Variants in PTPRT observed in about 807,000 individuals in gnomAD.
PTPRT encodes receptor-type tyrosine-protein phosphatase T.
In PTPRT, 56 loss-of-function variants were observed where a neutral mutation model predicts 176.8. The ratio of observed to expected loss-of-function variants is 0.32; its 90% CI spans 0.26 to 0.40. The LOEUF is 0.40. Among genes scored for constraint, PTPRT ranks in the 10% least tolerant of loss-of-function variants. PTPRT has a pLI of 1.00. For synonymous variants in PTPRT, 783 were observed against 739.0 expected, an observed-to-expected ratio of 1.06 and a Z score of -0.96; for missense variants, 1,540 against 1,908.2, an observed-to-expected ratio of 0.81 and a Z score of 3.60.
At chr20:42,274,566 T>TGTGTGTGC (rs2056994925) in intron 13 of PTPRT, among the ~76,000 whole-genome samples, 1 of 147,104 alleles carries the variant, frequency 6.8e-6, no homozygotes, top group East Asian at 2.0e-4. Flanking sequence ...TGTGTGTGTG[T>TGTGTGTGC]GTGTGTGTGT....
chr20:43,055,101 T>C (rs1189951932), intron 1 of PTPRT, among the ~76,000 whole-genome samples: 2 of 152,210 alleles, frequency 1.3e-5, no homozygotes, highest in African/African-American at 4.8e-5. Context: ...TTTATTAATA[T>C]ACTTTTCAGC....
At chr20:42,179,277 G>A (rs1287082935) in intron 16 of PTPRT, among the ~76,000 whole-genome samples, 1 of 152,152 alleles carries the variant, frequency 6.6e-6, no homozygotes, top group Non-Finnish European at 1.5e-5. Context: ...AGTATTCCAA[G>A]GCATTCACTT....
chr20:42,346,958 T>C (rs1275179863), intron 11 of PTPRT, among the ~76,000 whole-genome samples: 1 of 152,072 alleles, frequency 6.6e-6, no homozygotes, highest in Non-Finnish European at 1.5e-5. Flanking sequence ...GGAGGTTTAC[T>C]CCGTAGCACC....
chr20:42,128,658 T>C, intron 19 of PTPRT, 96 bp downstream of exon 19: 1 of 1,153,502 alleles, frequency 8.7e-7, no homozygotes, highest in South Asian at 1.8e-5. Context: ...CAGACTGCTC[T>C]GGAAGGGCCA....
At chr20:42,351,706 ATTCAT>A (rs2058287143) in intron 10 of PTPRT, among the ~76,000 whole-genome samples, 1 of 152,120 alleles carries the variant, frequency 6.6e-6, no homozygotes, top group Non-Finnish European at 1.5e-5. Context: ...TCATTCATTC[ATTCAT>A]TCATTCATCA....
chr20:43,072,804 C>T (rs752161905), intron 1 of PTPRT, among the ~76,000 whole-genome samples: 1 of 152,182 alleles, frequency 6.6e-6, no homozygotes. Flanking sequence ...TTTCCTCAGT[C>T]AATTAAACAA....
intron 16 of PTPRT, among the ~76,000 whole-genome samples, chr20:42,196,365 T>A (rs1991218615): frequency 6.6e-6 from 1 of 152,174 alleles, no homozygotes; most frequent in Non-Finnish European, 1.5e-5. Flanking sequence ...TGACACTAAT[T>A]ATATACATAT....
intron 1 of PTPRT, among the ~76,000 whole-genome samples, chr20:42,917,529 T>C (rs938789885): frequency 2.0e-5 from 3 of 152,222 alleles, no homozygotes; most frequent in South Asian, 2.1e-4. Context: ...GGGGATGGCA[T>C]TGAATCTATA....
At chr20:42,906,144 C>T (rs985270448) in intron 1 of PTPRT, among the ~76,000 whole-genome samples, 2 of 152,140 alleles carry the variant, frequency 1.3e-5, no homozygotes, top group African/African-American at 4.8e-5. Flanking sequence ...CAGAGGAACA[C>T]ATCAGCAGAA....
intron 12 of PTPRT, among the ~76,000 whole-genome samples, chr20:42,292,265 C>A (rs1332844493): frequency 1.3e-5 from 2 of 152,060 alleles, no homozygotes; most frequent in Admixed American, 1.3e-4. Context: ...ATGGGACTCA[C>A]TCACTTAACA....
intron 7 of PTPRT, among the ~76,000 whole-genome samples, chr20:42,648,810 T>C (rs556169304): frequency 2.9e-5 from 4 of 137,988 alleles, no homozygotes; most frequent in African/African-American, 1.1e-4. Flanking sequence ...TTTTTTTTTT[T>C]GGTGTCGTTG....
chr20:42,626,303 A>G lies in PTPRT; in HGVS notation c.1153+51563T>C, dbSNP rs139565795. 2.7e-3 allele frequency among the ~76,000 whole-genome samples: 404 copies of G among 152,188 alleles called. 4 individuals carry two copies. The highest frequency in any genetic ancestry group is 2.6e-3 in the Non-Finnish European group (176 of 68,004). ...TTTCAGATGATTCTCCTTACCTTCAAGCTTAGGTAAGAAGTCTCTGCTCTC... is the reference window on the plus strand; with the variant it reads ...TTTCAGATGATTCTCCTTACCTTCAGGCTTAGGTAAGAAGTCTCTGCTCTC... On this transcript the variant is annotated intron_variant, in intron 7 of 30. Transcript: ENST00000373187.
chr20:42,758,941 G>C (rs775039481), intron 5 of PTPRT, among the ~76,000 whole-genome samples: 1 of 152,256 alleles, frequency 6.6e-6, no homozygotes, highest in Non-Finnish European at 1.5e-5. Context: ...CTTTGCAGGA[G>C]ATGGCACAAC....
At chr20:43,145,745 C>T (rs995348519) in intron 1 of PTPRT, among the ~76,000 whole-genome samples, 1 of 152,230 alleles carries the variant, frequency 6.6e-6, no homozygotes, top group Non-Finnish European at 1.5e-5. Flanking sequence ...TCTCCAAAGC[C>T]AGCAAGAATC....
chr20:42,328,319 C>A (rs975278908), intron 11 of PTPRT, among the ~76,000 whole-genome samples: 5 of 152,100 alleles, frequency 3.3e-5, no homozygotes, highest in Admixed American at 1.3e-4. Context: ...AGCCAGATGG[C>A]TTTTCCAATG....
intron 19 of PTPRT, among the ~76,000 whole-genome samples, chr20:42,123,798 T>C (rs1395516094): frequency 1.3e-5 from 2 of 152,232 alleles, no homozygotes; most frequent in African/African-American, 2.4e-5. Flanking sequence ...CAATCACGTC[T>C]GTGGAGAGTT....
intron 6 of PTPRT, among the ~76,000 whole-genome samples, chr20:42,683,680 A>G (rs1310193094): frequency 6.6e-6 from 1 of 152,200 alleles, no homozygotes; most frequent in Non-Finnish European, 1.5e-5. Flanking sequence ...TAGATGTTCA[A>G]TGCTGATTAA....
intron 1 of PTPRT, among the ~76,000 whole-genome samples, chr20:43,160,274 C>A (rs2014655474): frequency 6.6e-6 from 1 of 152,156 alleles, no homozygotes; most frequent in Non-Finnish European, 1.5e-5. Context: ...CGGAATAAAT[C>A]TGAAAGAAGT....
At chr20:43,164,224 C>T (rs977551450) in intron 1 of PTPRT, among the ~76,000 whole-genome samples, 9 of 152,178 alleles carry the variant, frequency 5.9e-5, no homozygotes, top group African/African-American at 2.2e-4. Flanking sequence ...CAAGGATGTG[C>T]TGGCACAGAT....
Sources: gnomAD v4.1 joint callset for allele counts (sites outside exome capture counted in the v4.1 genomes callset) on GRCh38, gnomAD v4.1.1 for gene constraint, MANE v1.5 for transcripts, NCBI Gene and HGNC (gene_info 2026-07-23, HGNC 2026-07-21) for gene names.